Variants in PIP5K1B observed in about 807,000 individuals in gnomAD.
PIP5K1B encodes phosphatidylinositol-4-phosphate 5-kinase type 1 beta, also known as phosphatidylinositol 4-phosphate 5-kinase type-1 beta.
A neutral mutation model predicts 67.0 loss-of-function variants in PIP5K1B; 42 were observed. The observed-to-expected ratio is 0.63, with a 90% CI of 0.49 to 0.81. PIP5K1B has a LOEUF of 0.81. Ranked by LOEUF, PIP5K1B falls within the 30% of genes least tolerant of loss-of-function variation. The pLI is 0.00. For synonymous variants in PIP5K1B, 214 were observed against 231.4 expected (o/e 0.92, Z 0.68); for missense variants, 459 against 646.3 (o/e 0.71, Z 3.14).
intron 5 of PIP5K1B, 114 bp downstream of exon 5, chr9:68,864,081 T>A: frequency 1.0e-6 from 1 of 955,624 alleles, no homozygotes; most frequent in Non-Finnish European, 1.6e-6. Context: ...ATGTGAATAT[T>A]GGGCCTTTGG....
At chr9:68,710,124 A>G (rs1827315001) in intron 1 of PIP5K1B, among the ~76,000 whole-genome samples, 2 of 152,214 alleles carry the variant, frequency 1.3e-5, no homozygotes, top group Admixed American at 1.3e-4. Flanking sequence ...CCCTATGGCC[A>G]GAGCCTTCAG....
At chr9:68,743,413 G>C (rs937750767) in intron 2 of PIP5K1B, among the ~76,000 whole-genome samples, 6 of 151,986 alleles carry the variant, frequency 3.9e-5, no homozygotes, top group African/African-American at 1.2e-4. Context: ...TATGTGCCCA[G>C]TCTGGTTTCA....
intron 1 of PIP5K1B, among the ~76,000 whole-genome samples, chr9:68,708,360 G>A (rs1827222414): frequency 6.6e-6 from 1 of 152,138 alleles, no homozygotes; most frequent in South Asian, 2.1e-4. Context: ...AACATAGAAA[G>A]CATCTTACCA....
At chr9:68,884,976 G>A (rs774900452) in intron 6 of PIP5K1B, among the ~76,000 whole-genome samples, 13 of 152,258 alleles carry the variant, frequency 8.5e-5, no homozygotes, top group Non-Finnish European at 1.5e-4. Flanking sequence ...CCAAAGCAAC[G>A]GAAATCAGTA....
chr9:68,971,322 A>G (rs760424060), intron 14 of PIP5K1B, among the ~76,000 whole-genome samples: 1 of 152,100 alleles, frequency 6.6e-6, no homozygotes, highest in Non-Finnish European at 1.5e-5. Flanking sequence ...AAGGACATAA[A>G]CTCACTCTTT....
At chr9:68,711,408 T>C (rs1440009112) in intron 1 of PIP5K1B, among the ~76,000 whole-genome samples, 1 of 152,230 alleles carries the variant, frequency 6.6e-6, no homozygotes, top group African/African-American at 2.4e-5. Context: ...AAGCACATCA[T>C]AGGTGTTCAG....
chr9:68,720,355 A>T (rs1465386316), intron 1 of PIP5K1B, among the ~76,000 whole-genome samples: 1 of 151,958 alleles, frequency 6.6e-6, no homozygotes, highest in Non-Finnish European at 1.5e-5. Context: ...TAATAACCCC[A>T]CGCCCCATGG....
rs559834491 is a variant in PIP5K1B at position 68,974,194 on chromosome 9, G to A, written c.1503-16946G>A. ...CTTCCTCTTCATTCTTGCTAAGATGGATCATTCTGGTCCTCAGTCATTCTT... is the reference window on the plus strand; with the variant it reads ...CTTCCTCTTCATTCTTGCTAAGATGAATCATTCTGGTCCTCAGTCATTCTT... On this transcript the variant is annotated intron_variant, in intron 14 of 15. Transcript: ENST00000265382. Among the ~76,000 whole-genome samples, 171 of 152,208 alleles carry A rather than the reference G, an allele frequency of 1.1e-3. 1 individual carries two copies. Among genetic ancestry groups the A allele is most frequent in the Non-Finnish European group, 2.2e-3 (150 of 67,998 alleles).
chr9:68,709,925 A>T (rs944944831), intron 1 of PIP5K1B, among the ~76,000 whole-genome samples: 2 of 152,214 alleles, frequency 1.3e-5, no homozygotes, highest in Admixed American at 1.3e-4. Flanking sequence ...AGAAAGGAAA[A>T]GAAACACAAA....
At chr9:68,788,895 C>T (rs1001608413) in intron 2 of PIP5K1B, 4 of 260,558 alleles carry the variant, frequency 1.5e-5, no homozygotes, top group Non-Finnish European at 3.0e-5. Flanking sequence ...AGAGAGCAGG[C>T]GGAAATTTCC....
At chr9:68,733,627 CTTTTTTTTTTTTTTTTTTT>C (rs35759487) in intron 1 of PIP5K1B, among the ~76,000 whole-genome samples, 4 of 56,464 alleles carry the variant, frequency 7.1e-5, no homozygotes, top group East Asian at 1.2e-3. Flanking sequence ...TACTTAGACT[CTTTTTTTTTTTTTTTTTTT>C]TTTTTTTTTT....
At chr9:68,977,430 C>T (rs1829681704) in intron 14 of PIP5K1B, among the ~76,000 whole-genome samples, 2 of 152,080 alleles carry the variant, frequency 1.3e-5, no homozygotes, top group Admixed American at 1.3e-4. Context: ...GGCTGAGGCA[C>T]AAACATCGCT....
chr9:68,799,764 C>T (rs1022030463), intron 2 of PIP5K1B, among the ~76,000 whole-genome samples: 3 of 152,118 alleles, frequency 2.0e-5, no homozygotes, highest in Non-Finnish European at 4.4e-5. Context: ...AAAAATAATA[C>T]CTGAAACTGT....
At chr9:68,757,102 C>A (rs1412303898) in intron 2 of PIP5K1B, among the ~76,000 whole-genome samples, 1 of 152,146 alleles carries the variant, frequency 6.6e-6, no homozygotes, top group Non-Finnish European at 1.5e-5. Flanking sequence ...GTTGTTCCAA[C>A]ATACTTAGCA....
chr9:68,940,731 T>G lies in PIP5K1B; in HGVS notation c.1443T>G (p.Ser481=). Residue 481 remains serine, a synonymous_variant, in exon 14 of 16, where the codon TCT becomes TCG. Coordinates refer to ENST00000265382, the MANE Select transcript of PIP5K1B (RefSeq NM_003558.4). ...CTTCCTTGGCAACCACAATTTCATC[T>G]TCTTCCTTATACGTCAATGAGCACT... ...EAASLATTIS[S]SSLYVNEHYP... The G allele has an allele frequency of 6.2e-7, 1 of 1,614,030 alleles. No individual in the cohort carries two copies. Among genetic ancestry groups the G allele is most frequent in the Non-Finnish European group, 8.5e-7 (1 of 1,179,896 alleles).
At chr9:68,954,491 AG>A (rs1172742609) in intron 14 of PIP5K1B, among the ~76,000 whole-genome samples, 1 of 152,228 alleles carries the variant, frequency 6.6e-6, no homozygotes, top group Admixed American at 6.5e-5. Flanking sequence ...CTCCTTGTTC[AG>A]GGCAGCCTCT....
At chr9:68,782,272 G>C (rs1008288685) in intron 2 of PIP5K1B, 1 of 167,030 alleles carries the variant, frequency 6.0e-6, no homozygotes, top group Non-Finnish European at 1.5e-5. Flanking sequence ...GTTAATTAAG[G>C]GGTGATGATT....
chr9:68,960,284 A>G (rs184150566), intron 14 of PIP5K1B, among the ~76,000 whole-genome samples: 50 of 152,004 alleles, frequency 3.3e-4, no homozygotes, highest in Non-Finnish European at 6.2e-4. Context: ...CATGTTATCT[A>G]TTTTCTCCCC....
Position 68,847,492 on chromosome 9 carries a change from G to A in PIP5K1B, c.70-16345G>A, listed in dbSNP as rs182937721. Among the ~76,000 whole-genome samples the A allele has an allele frequency of 5.8e-3, 839 of 145,412 alleles. 10 individuals are homozygous for A. The highest frequency in any genetic ancestry group is 0.02 in the African/African-American group (804 of 39,318). ...GTGGGGATAACATTAGGCCAGAAGG[G>A]ATGGATGAGAGGGTGGAGGTTGCTG... On this transcript the variant is annotated intron_variant, in intron 4 of 15. Coordinates refer to ENST00000265382, the MANE Select transcript of PIP5K1B (RefSeq NM_003558.4).
Sources: gnomAD v4.1 joint callset for allele counts (sites outside exome capture counted in the v4.1 genomes callset) on GRCh38, gnomAD v4.1.1 for gene constraint, MANE v1.5 for transcripts, NCBI Gene and HGNC (gene_info 2026-07-23, HGNC 2026-07-21) for gene names.